ZNF362: variants seen among roughly 807,000 people sequenced by gnomAD.
ZNF362 encodes the protein zinc finger protein 362, also known as rotund homolog.
In ZNF362, 11 loss-of-function variants were observed where a neutral mutation model predicts 42.9. The observed-to-expected ratio is 0.26, with a 90% CI of 0.16 to 0.42. The LOEUF is 0.42. Among genes scored for constraint, ZNF362 ranks in the 20% least tolerant of loss-of-function variants. The pLI is 1.00. For synonymous variants in ZNF362, 255 were observed against 257.3 expected (o/e 0.99, Z 0.09); for missense variants, 362 against 576.2 (o/e 0.63, Z 3.81).
At chr1:33,270,712 C>A (rs1024464460) in intron 2 of ZNF362, 100 bp downstream of exon 2, 54 of 1,547,624 alleles carry the variant, frequency 3.5e-5, no homozygotes, top group Non-Finnish European at 4.5e-5. Context: ...AGTGCCCCCG[C>A]TGCTACCCTC....
rs1444783545 is a variant in ZNF362 at position 33,281,284 on chromosome 1, T to C, written c.684-303T>C. On this transcript the variant is annotated intron_variant, in intron 5 of 8. Transcript: ENST00000539719. This position sits in a 1 kb window ranked among gnomAD's most constrained non-coding sequence, Gnocchi z 4.8. ...AACTACTTCACGTGGTAGCGCCTCC[T>C]GCCCAGAACCGTGGGATATAGCCCT... 6.6e-6 allele frequency among the ~76,000 whole-genome samples: 1 copy of C among 152,180 alleles called. No individual in the cohort carries two copies. Among genetic ancestry groups the C allele is most frequent in the Non-Finnish European group, 1.5e-5 (1 of 68,016 alleles).
At chr1:33,191,754 C>T in the ZNF362 span, among the ~76,000 whole-genome samples, 1 of 152,334 alleles carries the variant, frequency 6.6e-6, no homozygotes, top group Admixed American at 6.5e-5. Context: ...ATTCACCTGC[C>T]TCAACCTCCC....
chr1:33,274,835 TCA>T (rs1390146405), intron 2 of ZNF362: 2 of 613,876 alleles, frequency 3.3e-6, no homozygotes, highest in Non-Finnish European at 4.1e-6. Context: ...TCTCTGAGCC[TCA>T]GTTTCTTCAC....
intron 6 of ZNF362, among the ~76,000 whole-genome samples, chr1:33,283,615 C>G (rs1010842502): frequency 2.6e-5 from 4 of 151,902 alleles, no homozygotes; most frequent in African/African-American, 9.7e-5. Flanking sequence ...GTGGGAGGAT[C>G]GATTGCTTGA....
At chr1:33,223,131 G>A in the ZNF362 span, among the ~76,000 whole-genome samples, 4 of 151,950 alleles carry the variant, frequency 2.6e-5, no homozygotes, top group Non-Finnish European at 5.9e-5. Flanking sequence ...TGTGCCTGTA[G>A]TCCCAGCTAC....
the ZNF362 span, among the ~76,000 whole-genome samples, chr1:33,127,900 G>A: frequency 1.3e-5 from 2 of 152,122 alleles, no homozygotes; most frequent in African/African-American, 4.8e-5. Flanking sequence ...GGCCTGTGCA[G>A]TGCGTCTTAA....
chr1:33,208,638 T>C, the ZNF362 span, among the ~76,000 whole-genome samples: 21 of 152,180 alleles, frequency 1.4e-4, no homozygotes, highest in Non-Finnish European at 8.8e-5. Flanking sequence ...CTTGAAGAGG[T>C]TCTTCACATC....
chr1:33,175,207 T>A, the ZNF362 span, among the ~76,000 whole-genome samples: 1 of 105,342 alleles, frequency 9.5e-6, no homozygotes, highest in Non-Finnish European at 1.7e-5. Context: ...GCCCAGCTAA[T>A]TTTTTTTTTT....
chr1:33,275,002 G>A, intron 2 of ZNF362: 1 of 985,312 alleles, frequency 1.0e-6, no homozygotes, highest in Non-Finnish European at 1.2e-6. Flanking sequence ...TTCCAATAGG[G>A]GTTTCTCAAG....
chr1:33,295,889 C>T (rs1208606149), intron 8 of ZNF362, among the ~76,000 whole-genome samples: 2 of 152,196 alleles, frequency 1.3e-5, no homozygotes, highest in South Asian at 2.1e-4. Context: ...ACATAGAGGT[C>T]ACTGAGCCTC....
the ZNF362 span, among the ~76,000 whole-genome samples, chr1:33,185,874 C>T: frequency 6.6e-6 from 1 of 152,196 alleles, no homozygotes; most frequent in Non-Finnish European, 1.5e-5. Context: ...GACACAATCA[C>T]AGGCATTATT....
At chr1:33,200,634 A>G in the ZNF362 span, among the ~76,000 whole-genome samples, 1 of 152,314 alleles carries the variant, frequency 6.6e-6, no homozygotes. Flanking sequence ...AGCCAATCAA[A>G]ATGAAGTAGA....
At chr1:33,270,730 G>A in intron 2 of ZNF362, 118 bp downstream of exon 2, 1 of 1,509,880 alleles carries the variant, frequency 6.6e-7, no homozygotes, top group East Asian at 2.3e-5. Context: ...CTCTGGGTCT[G>A]CCCTGGGGGA....
the ZNF362 span, among the ~76,000 whole-genome samples, chr1:33,155,078 G>A: frequency 0.18 from 25,488 of 138,650 alleles, 2,830 homozygotes; most frequent in South Asian, 0.3. Context: ...GGGCGACAGA[G>A]CGAGACTCCA....
the ZNF362 span, among the ~76,000 whole-genome samples, chr1:33,174,903 G>GTATA: frequency 4.3e-5 from 6 of 141,112 alleles, no homozygotes; most frequent in East Asian, 1.1e-3. Context: ...ATGTGTGTGT[G>GTATA]TGTATATATA....
intron 4 of ZNF362, among the ~76,000 whole-genome samples, chr1:33,277,368 A>G (rs1218265592): frequency 6.6e-6 from 1 of 152,148 alleles, no homozygotes; most frequent in East Asian, 1.9e-4. Flanking sequence ...CTGTATCTTC[A>G]CTCTGTTTTG....
chr1:33,216,307 A>G, the ZNF362 span, among the ~76,000 whole-genome samples: 8 of 132,890 alleles, frequency 6.0e-5, no homozygotes, highest in African/African-American at 1.9e-4. Flanking sequence ...TGCTCTTAAG[A>G]AACAGAAAAA....
chr1:33,136,979 A>T, the ZNF362 span, among the ~76,000 whole-genome samples: 10 of 151,410 alleles, frequency 6.6e-5, no homozygotes, highest in African/African-American at 2.4e-4. Context: ...CCTGGGCGAC[A>T]GAGCAAGACT....
the ZNF362 span, among the ~76,000 whole-genome samples, chr1:33,177,997 C>A: frequency 6.6e-6 from 1 of 152,162 alleles, no homozygotes; most frequent in Non-Finnish European, 1.5e-5. The surrounding 1 kb of genome is among the most constrained non-coding windows in gnomAD (Gnocchi z 4.1). Flanking sequence ...TACCTGGGTA[C>A]AAAGCAGGGC....
Sources: allele counts gnomAD v4.1 joint callset (sites outside exome capture counted in the v4.1 genomes callset), GRCh38; gene constraint gnomAD v4.1.1; non-coding constraint Gnocchi (gnomAD v3.1); transcripts MANE v1.5; gene names NCBI Gene and HGNC (gene_info 2026-07-23, HGNC 2026-07-21).